Variants in SMYD3 observed in about 807,000 individuals in gnomAD.
The protein encoded by SMYD3 is SET and MYND domain containing 3, also known as histone-lysine N-methyltransferase SMYD3.
Under a neutral mutation model 57.7 loss-of-function variants are expected in SMYD3, and 36 were observed. That is an observed-to-expected ratio of 0.62 (90% CI 0.48 to 0.82). The LOEUF (loss-of-function observed/expected upper bound fraction) is 0.82. SMYD3 is among the 40% of genes least tolerant of loss of function. The pLI, the probability that SMYD3 is intolerant of heterozygous loss-of-function variation, is 0.00. For missense variants in SMYD3, 515 were observed against 538.8 expected (o/e 0.96, Z 0.44); for synonymous variants, 211 against 195.0 (o/e 1.08, Z -0.68).
At chr1:245,835,181 G>T in intron 10 of SMYD3, among the ~76,000 whole-genome samples, 1 of 145,182 alleles carries the variant, frequency 6.9e-6, no homozygotes, top group Non-Finnish European at 1.5e-5. Flanking sequence ...GTGCAACAGC[G>T]CAATCTTGGC....
At chr1:246,121,234 T>A (rs537614084) in intron 5 of SMYD3, among the ~76,000 whole-genome samples, 1 of 4,680 alleles carries the variant, frequency 2.1e-4, no homozygotes, top group African/African-American at 6.9e-4. Context: ...TCTATGAGTA[T>A]TTTTTTTAAG....
intron 10 of SMYD3, among the ~76,000 whole-genome samples, chr1:245,843,538 ATATGTG>A (rs1304358780): frequency 5.2e-4 from 39 of 74,802 alleles, no homozygotes; most frequent in African/African-American, 1.8e-3. Context: ...GTGTATATAT[ATATGTG>A]TGTGTGTGTG....
At chr1:246,170,321 A>C (rs1212042229) in intron 5 of SMYD3, among the ~76,000 whole-genome samples, 1 of 151,862 alleles carries the variant, frequency 6.6e-6, no homozygotes, top group Non-Finnish European at 1.5e-5. Flanking sequence ...CAGCATGGTT[A>C]GTTTCCATAT....
chr1:245,767,816 C>T (rs1032568730), intron 10 of SMYD3, among the ~76,000 whole-genome samples: 2 of 152,174 alleles, frequency 1.3e-5, no homozygotes, highest in East Asian at 1.9e-4. Context: ...CAGACACACA[C>T]GCGCAAAGCT....
chr1:246,249,815 C>T (rs2063772580), intron 5 of SMYD3, among the ~76,000 whole-genome samples: 1 of 152,150 alleles, frequency 6.6e-6, no homozygotes, highest in South Asian at 2.1e-4. Context: ...GGCAACTGTT[C>T]CTTAGATACA....
chr1:246,496,131 G>T (rs1353918439), intron 1 of SMYD3, among the ~76,000 whole-genome samples: 1 of 151,874 alleles, frequency 6.6e-6, no homozygotes, highest in East Asian at 1.9e-4. Context: ...CTGCCTCCCG[G>T]GTTCAAGCGA....
chr1:246,144,752 A>G (rs759929797), intron 5 of SMYD3, among the ~76,000 whole-genome samples: 6 of 152,224 alleles, frequency 3.9e-5, no homozygotes, highest in Non-Finnish European at 7.3e-5. Context: ...TAACCTTCAT[A>G]AACAAGACCT....
At chr1:246,094,897 G>A (rs2060886302) in intron 5 of SMYD3, among the ~76,000 whole-genome samples, 1 of 152,018 alleles carries the variant, frequency 6.6e-6, no homozygotes, top group African/African-American at 2.4e-5. Flanking sequence ...TTGCCTCCTT[G>A]CCATTCCCTC....
chr1:245,968,938 A>G (rs922428869), intron 5 of SMYD3, among the ~76,000 whole-genome samples: 7 of 152,148 alleles, frequency 4.6e-5, no homozygotes, highest in South Asian at 2.1e-4. Context: ...TCTTCCTATC[A>G]TTGATAATAT....
rs370332515 is a variant in SMYD3, at chr1:246,143,126, TACACACACAC to T, written c.531+184065_531+184074del. Among the ~76,000 whole-genome samples the T allele has an allele frequency of 5.1e-3, 738 of 146,074 alleles. 5 individuals are homozygous for T. The highest frequency in any genetic ancestry group is 0.016 in the African/African-American group (621 of 39,558). ...AATGGAAATACAGTTGTATATTTAA[TACACACACAC>T]ACACACACACACACACACACACACA... On this transcript the variant is annotated intron_variant, in intron 5 of 11. Transcript: ENST00000490107.
intron 5 of SMYD3, among the ~76,000 whole-genome samples, chr1:245,971,938 A>G (rs994878265): frequency 2.0e-5 from 3 of 152,176 alleles, no homozygotes; most frequent in African/African-American, 7.2e-5. Flanking sequence ...TCAAACTCCA[A>G]AGCCCAGCTT....
chr1:246,474,872 A>ACTT (rs2068007603), intron 1 of SMYD3, among the ~76,000 whole-genome samples: 2 of 152,168 alleles, frequency 1.3e-5, no homozygotes, highest in Admixed American at 1.3e-4. Flanking sequence ...AGGAAGGGGA[A>ACTT]GGCTTTGAGC....
chr1:246,421,046 C>T lies in SMYD3; in HGVS notation c.165-65952G>A, dbSNP rs577120101. Among the ~76,000 whole-genome samples the T allele has an allele frequency of 3.9e-5, 6 of 152,262 alleles. No homozygotes were observed. In the South Asian group the frequency reaches 1.0e-3, roughly 26 times the overall value. ...AATAGCTATTCTTCTCTAATGTTTA[C>T]ACTGTATATTTTTATCTGATAGGTA... On this transcript the variant is annotated intron_variant, in intron 1 of 11. Transcript: ENST00000490107.
At chr1:246,260,505 C>T (rs1230480415) in intron 5 of SMYD3, among the ~76,000 whole-genome samples, 1 of 152,042 alleles carries the variant, frequency 6.6e-6, no homozygotes, top group Non-Finnish European at 1.5e-5. Flanking sequence ...GGCTGGAGTG[C>T]AATGGCCCGA....
intron 11 of SMYD3, among the ~76,000 whole-genome samples, chr1:245,754,438 G>C (rs1447995875): frequency 1.3e-5 from 2 of 152,072 alleles, no homozygotes; most frequent in African/African-American, 4.8e-5. Context: ...AATAAAGCAG[G>C]TTTTCTTATT....
chr1:245,911,012 A>G (rs1407740492), intron 8 of SMYD3, among the ~76,000 whole-genome samples: 2 of 152,124 alleles, frequency 1.3e-5, no homozygotes, highest in Non-Finnish European at 2.9e-5. Flanking sequence ...AGAGATTAAT[A>G]ATCACAATAT....
At chr1:245,914,559 A>G (rs982545902) in intron 8 of SMYD3, among the ~76,000 whole-genome samples, 2 of 152,212 alleles carry the variant, frequency 1.3e-5, no homozygotes, top group Non-Finnish European at 2.9e-5. Context: ...ATATGTGGGA[A>G]TTAAAAAAAA....
At chr1:246,466,979 C>T (rs1240053358) in intron 1 of SMYD3, among the ~76,000 whole-genome samples, 2 of 152,050 alleles carry the variant, frequency 1.3e-5, no homozygotes, top group Non-Finnish European at 2.9e-5. Flanking sequence ...ATCAGTCTGG[C>T]CATCATGGCA....
At chr1:246,204,630 T>C (rs930665540) in intron 5 of SMYD3, among the ~76,000 whole-genome samples, 2 of 152,252 alleles carry the variant, frequency 1.3e-5, no homozygotes, top group Non-Finnish European at 2.9e-5. Flanking sequence ...GTCACATATA[T>C]ACTCTTACAT....
Sources: allele counts gnomAD v4.1 joint callset (sites outside exome capture counted in the v4.1 genomes callset), GRCh38; gene constraint gnomAD v4.1.1; transcripts MANE v1.5; gene names NCBI Gene and HGNC (gene_info 2026-07-23, HGNC 2026-07-21).